CMIP: variants seen among roughly 807,000 people sequenced by gnomAD.
The protein encoded by CMIP is C-Maf-inducing protein.
CMIP carries 13 observed loss-of-function variants against 97.3 expected under a neutral mutation model. The observed-to-expected ratio is 0.13, with a 90% CI of 0.09 to 0.21. The LOEUF (loss-of-function observed/expected upper bound fraction) is 0.21, where lower values mean the gene tolerates loss of function less well. Ranked by LOEUF, CMIP falls within the 10% of genes least tolerant of loss-of-function variation. The pLI, the probability that CMIP is intolerant of heterozygous loss-of-function variation, is 1.00. For synonymous variants in CMIP, 538 were observed against 436.3 expected, an observed-to-expected ratio of 1.23 and a Z score of -2.91; for missense variants, 847 against 1,024.9, an observed-to-expected ratio of 0.83 and a Z score of 2.37.
At chr16:81,656,079 C>CA (rs2092477906) in intron 4 of CMIP, among the ~76,000 whole-genome samples, 1 of 152,168 alleles carries the variant, frequency 6.6e-6, no homozygotes, top group Non-Finnish European at 1.5e-5. Flanking sequence ...TGTTCAGATC[C>CA]AAAAAACATC....
At chr16:81,449,174 A>G (rs967155302) in intron 1 of CMIP, among the ~76,000 whole-genome samples, 1 of 152,228 alleles carries the variant, frequency 6.6e-6, no homozygotes, top group Non-Finnish European at 1.5e-5. Flanking sequence ...AATGTGGCAC[A>G]CGGTATTTCA....
At chr16:81,610,264 C>T in intron 2 of CMIP, 1 of 973,860 alleles carries the variant, frequency 1.0e-6, no homozygotes, top group Non-Finnish European at 1.2e-6. Context: ...GATGACTCGC[C>T]TGGCCGCCGT....
chr16:81,643,538 C>T (rs571255307), intron 3 of CMIP, among the ~76,000 whole-genome samples: 11 of 152,132 alleles, frequency 7.2e-5, no homozygotes, highest in African/African-American at 2.4e-4. Context: ...ACCTGTAATC[C>T]TAGCACTTTA....
intron 1 of CMIP, among the ~76,000 whole-genome samples, chr16:81,570,064 C>T (rs2091057625): frequency 6.6e-6 from 1 of 152,228 alleles, no homozygotes; most frequent in Non-Finnish European, 1.5e-5. Context: ...CCTTTTCCCT[C>T]TCTCCCTTGG....
chr16:81,601,339 C>G (rs893036138), intron 1 of CMIP, among the ~76,000 whole-genome samples: 1 of 152,174 alleles, frequency 6.6e-6, no homozygotes, highest in Non-Finnish European at 1.5e-5. Context: ...CAGGAGGGAG[C>G]TGGCTCACCA....
chr16:81,705,565 G>A lies in CMIP; in HGVS notation c.2158G>A (p.Glu720Lys). 1 of 1,608,876 alleles carries A rather than the reference G, an allele frequency of 6.2e-7. No homozygotes were observed. The highest frequency in any genetic ancestry group is 2.2e-5 in the East Asian group (1 of 44,738). Residue 720 changes from glutamate to lysine, a missense_variant, in exon 19 of 21, where the codon GAG becomes AAG. By Grantham distance (56) the Glu-to-Lys change is moderately conservative. Coordinates refer to ENST00000537098, the MANE Select transcript of CMIP (RefSeq NM_198390.3). ...CATGCTCCAGGTGCTGAACCTGTGC[G>A]AGACCCCGGTCACAGACGCTGGCCT... ...LTMLQVLNLC[E>K]TPVTDAGLLA... is the part of the protein sequence containing the mutation.
At chr16:81,591,487 G>C (rs2091466156) in intron 1 of CMIP, among the ~76,000 whole-genome samples, 1 of 152,214 alleles carries the variant, frequency 6.6e-6, no homozygotes, top group South Asian at 2.1e-4. Context: ...GCACTACTTA[G>C]CGATTCAAAG....
chr16:81,667,799 A>AGAGAGAGAGTGTGTGTGTGTGTGT, intron 7 of CMIP, among the ~76,000 whole-genome samples: 2 of 58,096 alleles, frequency 3.4e-5, no homozygotes, highest in Non-Finnish European at 6.4e-5. Flanking sequence ...AGAGAGAGAG[A>AGAGAGAGAGTGTGTGTGTGTGTGT]GTGTGTGTGT....
chr16:81,593,809 C>T (rs1397681751), intron 1 of CMIP, among the ~76,000 whole-genome samples: 1 of 152,146 alleles, frequency 6.6e-6, no homozygotes, highest in Non-Finnish European at 1.5e-5. Flanking sequence ...GGGGAGGGGG[C>T]AGCATAATCA....
intron 1 of CMIP, among the ~76,000 whole-genome samples, chr16:81,465,684 C>T (rs747030699): frequency 6.6e-6 from 1 of 152,246 alleles, no homozygotes; most frequent in African/African-American, 2.4e-5. Context: ...GAGAGGGCCT[C>T]TCTGGCTCGA....
intron 1 of CMIP, among the ~76,000 whole-genome samples, chr16:81,575,898 T>C (rs1345815869): frequency 6.6e-6 from 1 of 152,196 alleles, no homozygotes; most frequent in Non-Finnish European, 1.5e-5. Context: ...TGACAAACAC[T>C]TGGATACATT....
chr16:81,562,181 T>C (rs764991195), intron 1 of CMIP, among the ~76,000 whole-genome samples: 5 of 152,186 alleles, frequency 3.3e-5, no homozygotes, highest in African/African-American at 4.8e-5. Context: ...GTAAGTTACA[T>C]TGAGTGAGCT....
chr16:81,582,174 C>T (rs2091307025), intron 1 of CMIP, among the ~76,000 whole-genome samples: 1 of 152,172 alleles, frequency 6.6e-6, no homozygotes, highest in Non-Finnish European at 1.5e-5. Flanking sequence ...GATCCAATCA[C>T]CTCCCACAGG....
At chr16:81,625,562 G>A (rs2092049866) in intron 3 of CMIP, among the ~76,000 whole-genome samples, 1 of 152,260 alleles carries the variant, frequency 6.6e-6, no homozygotes, top group Admixed American at 6.5e-5. Context: ...TGTTCAGGCT[G>A]TGAGGGGACC....
At chr16:81,608,272 A>G (rs540171006) in intron 2 of CMIP, among the ~76,000 whole-genome samples, 39 of 152,334 alleles carry the variant, frequency 2.6e-4, no homozygotes, top group Non-Finnish European at 4.9e-4. Flanking sequence ...TAAATTAACT[A>G]TTAAAGTAAC....
intron 10 of CMIP, among the ~76,000 whole-genome samples, chr16:81,684,306 G>A (rs3889552): frequency 0.86 from 130,167 of 152,242 alleles, 56,178 homozygotes; most frequent in East Asian, 1. Context: ...GGGAGCAGAT[G>A]TTTCTGGATG....
chr16:81,562,477 C>T (rs1048168962), intron 1 of CMIP, among the ~76,000 whole-genome samples: 10 of 152,270 alleles, frequency 6.6e-5, no homozygotes, highest in Non-Finnish European at 1.0e-4. Context: ...GCAGTGCTGG[C>T]AGTGTTGGCA....
chr16:81,476,508 G>C (rs1907931559), intron 1 of CMIP: 1 of 694,018 alleles, frequency 1.4e-6, no homozygotes, highest in Non-Finnish European at 2.7e-6. Flanking sequence ...AGAACACAGT[G>C]GGGTTGACCA....
chr16:81,463,580 C>T (rs1259309451), intron 1 of CMIP, among the ~76,000 whole-genome samples: 6 of 152,242 alleles, frequency 3.9e-5, no homozygotes, highest in Admixed American at 3.9e-4. Context: ...AGCCGGCTCT[C>T]TGCCCAGCTG....
Sources: allele counts gnomAD v4.1 joint callset (sites outside exome capture counted in the v4.1 genomes callset), GRCh38; gene constraint gnomAD v4.1.1; transcripts MANE v1.5; gene names NCBI Gene and HGNC (gene_info 2026-07-23, HGNC 2026-07-21).